Variants in KCNJ3 observed in about 807,000 individuals in gnomAD.
KCNJ3 encodes the protein potassium inwardly rectifying channel subfamily J member 3.
A neutral mutation model predicts 39.2 loss-of-function variants in KCNJ3; 4 were observed. That is an observed-to-expected ratio of 0.10 (90% confidence interval 0.05 to 0.23). KCNJ3 has a LOEUF of 0.23. Among genes scored for constraint, KCNJ3 ranks in the 10% least tolerant of loss-of-function variants. KCNJ3 has a pLI of 1.00. For missense variants in KCNJ3, 276 were observed against 634.9 expected, an observed-to-expected ratio of 0.43 and a Z score of 6.08; for synonymous variants, 230 against 237.4, an observed-to-expected ratio of 0.97 and a Z score of 0.29.
chr2:154,709,974 A>T, intron 2 of KCNJ3, 155 bp downstream of exon 2: 1 of 897,082 alleles, frequency 1.1e-6, no homozygotes, highest in Non-Finnish European at 1.6e-6. Flanking sequence ...TTAAATTGAT[A>T]CCATTTTGAA....
intron 2 of KCNJ3, among the ~76,000 whole-genome samples, chr2:154,754,399 G>T (rs1387427194): frequency 6.6e-6 from 1 of 151,932 alleles, no homozygotes; most frequent in Non-Finnish European, 1.5e-5. Flanking sequence ...TCAGCCTCCC[G>T]AGTAGCTGGG....
chr2:154,769,070 C>T (rs185109858), intron 2 of KCNJ3, among the ~76,000 whole-genome samples: 1 of 152,262 alleles, frequency 6.6e-6, no homozygotes, highest in African/African-American at 2.4e-5. Flanking sequence ...TGCTTTTCAG[C>T]TTAAGGAGAT....
chr2:154,779,710 A>G (rs1407171619), intron 2 of KCNJ3, among the ~76,000 whole-genome samples: 1 of 151,064 alleles, frequency 6.6e-6, no homozygotes, highest in East Asian at 2.0e-4. Flanking sequence ...CGCCTGGCTA[A>G]TTTTTGTATT....
Position 154,699,044 on chromosome 2 carries a change from C to T in KCNJ3, c.269C>T (p.Thr90Ile), listed in dbSNP as rs1214440777. The T allele has an allele frequency of 6.2e-7, 1 of 1,614,242 alleles. No individual in the cohort carries two copies. The highest frequency in any genetic ancestry group is 8.5e-7 in the Non-Finnish European group (1 of 1,180,044). ...TGGAACCTCTTCATCTTCATTCTCA[C>T]CTACACCGTGGCCTGGCTTTTCATG... The part of the protein sequence containing the change: ...WRWNLFIFIL[T>I]YTVAWLFMAS... Residue 90 changes from threonine to isoleucine, a missense_variant, in exon 1 of 3, where the codon ACC becomes ATC. Coordinates refer to ENST00000295101, the MANE Select transcript of KCNJ3 (RefSeq NM_002239.4). This position sits in a 1 kb window ranked among gnomAD's most constrained non-coding sequence, Gnocchi z 6.4.
intron 2 of KCNJ3, among the ~76,000 whole-genome samples, chr2:154,747,406 A>G (rs1274885039): frequency 6.6e-6 from 1 of 152,050 alleles, no homozygotes; most frequent in African/African-American, 2.4e-5. Context: ...TTTTGCTTAT[A>G]TACATATTTA....
intron 2 of KCNJ3, among the ~76,000 whole-genome samples, chr2:154,822,915 A>G (rs1687209041): frequency 6.6e-6 from 1 of 151,696 alleles, no homozygotes; most frequent in African/African-American, 2.4e-5. Context: ...GGCATTGGAT[A>G]TAATATGAAA....
At chr2:154,733,533 T>A (rs1685478094) in intron 2 of KCNJ3, among the ~76,000 whole-genome samples, 1 of 152,222 alleles carries the variant, frequency 6.6e-6, no homozygotes, top group South Asian at 2.1e-4. Flanking sequence ...GTCAGTGATA[T>A]CCACTTGCGT....
At chr2:154,722,961 A>G (rs1685290331) in intron 2 of KCNJ3, among the ~76,000 whole-genome samples, 1 of 152,088 alleles carries the variant, frequency 6.6e-6, no homozygotes, top group African/African-American at 2.4e-5. Flanking sequence ...AAGATGGTAA[A>G]ACAGTACAGG....
intron 2 of KCNJ3, among the ~76,000 whole-genome samples, chr2:154,832,637 G>A (rs935837799): frequency 2.0e-5 from 3 of 152,144 alleles, no homozygotes; most frequent in Non-Finnish European, 4.4e-5. Context: ...AAAAGAGTAT[G>A]ATAGCCAATA....
At chr2:154,764,300 A>G (rs1258490229) in intron 2 of KCNJ3, among the ~76,000 whole-genome samples, 3 of 152,198 alleles carry the variant, frequency 2.0e-5, no homozygotes, top group Admixed American at 6.5e-5. Flanking sequence ...TGTTTTGATC[A>G]GATTAGGCTT....
intron 2 of KCNJ3, among the ~76,000 whole-genome samples, chr2:154,715,134 C>A (rs1323720606): frequency 6.6e-6 from 1 of 152,202 alleles, no homozygotes; most frequent in Non-Finnish European, 1.5e-5. Flanking sequence ...TAATAACTCT[C>A]AATTCAACTA....
intron 2 of KCNJ3, among the ~76,000 whole-genome samples, chr2:154,816,452 A>G (rs1333478773): frequency 1.3e-5 from 2 of 152,198 alleles, no homozygotes; most frequent in East Asian, 1.9e-4. Flanking sequence ...GTCACGTAGT[A>G]TAGTATATGA....
rs1558852581 is a variant in KCNJ3, at chr2:154,709,756, C to A, written c.856C>A (p.Arg286=). 6.2e-7 allele frequency: 1 copy of A among 1,613,878 alleles called. No individual in the cohort carries two copies. Among genetic ancestry groups the A allele is most frequent in the East Asian group, 2.2e-5 (1 of 44,856 alleles). The change falls in exon 2 of 3, where the codon CGA becomes AGA. Residue 286 remains arginine, a synonymous_variant. Coordinates refer to ENST00000295101, the MANE Select transcript of KCNJ3 (RefSeq NM_002239.4). Reference sequence around the variant, plus strand: ...AAGCCCCTTTTATGACCTATCCCAGCGAAGCATGCAAACTGAACAGTTCGA... The same window carrying A: ...AAGCCCCTTTTATGACCTATCCCAGAGAAGCATGCAAACTGAACAGTTCGA... The part of the protein sequence containing the change: ...AKSPFYDLSQ[R]SMQTEQFEIV...
At chr2:154,747,679 A>G (rs893008910) in intron 2 of KCNJ3, among the ~76,000 whole-genome samples, 2 of 152,180 alleles carry the variant, frequency 1.3e-5, no homozygotes, top group East Asian at 3.9e-4. Flanking sequence ...AATTTGAAAA[A>G]GACAAATAGC....
At chr2:154,830,717 T>A (rs1451065778) in intron 2 of KCNJ3, among the ~76,000 whole-genome samples, 1 of 152,090 alleles carries the variant, frequency 6.6e-6, no homozygotes, top group Non-Finnish European at 1.5e-5. Context: ...TTGGAAGTAA[T>A]TGTTCTTAGT....
At chr2:154,784,674 C>T (rs768921581) in intron 2 of KCNJ3, among the ~76,000 whole-genome samples, 1 of 152,186 alleles carries the variant, frequency 6.6e-6, no homozygotes, top group African/African-American at 2.4e-5. Flanking sequence ...AGCCACTGCG[C>T]CCGGCCTGGA....
At chr2:154,782,563 A>G (rs966308825) in intron 2 of KCNJ3, among the ~76,000 whole-genome samples, 2 of 152,000 alleles carry the variant, frequency 1.3e-5, no homozygotes, top group African/African-American at 2.4e-5. Flanking sequence ...TTCACATCCA[A>G]CATGCATTTT....
intron 2 of KCNJ3, among the ~76,000 whole-genome samples, chr2:154,776,284 G>A (rs927413850): frequency 3.3e-5 from 5 of 152,208 alleles, no homozygotes; most frequent in Non-Finnish European, 5.9e-5. Context: ...GTACAGGCGT[G>A]AGCCACCGCT....
chr2:154,725,816 T>C (rs998311309), intron 2 of KCNJ3, among the ~76,000 whole-genome samples: 2 of 152,036 alleles, frequency 1.3e-5, no homozygotes, highest in Admixed American at 6.6e-5. Context: ...TTAGAGCCGA[T>C]TGATCTTTGA....
Sources: gnomAD v4.1 joint callset for allele counts (sites outside exome capture counted in the v4.1 genomes callset) on GRCh38, gnomAD v4.1.1 for gene constraint, Gnocchi (gnomAD v3.1) non-coding constraint, MANE v1.5 for transcripts, NCBI Gene and HGNC (gene_info 2026-07-23, HGNC 2026-07-21) for gene names.